FAM120A: variants seen among roughly 807,000 people sequenced by gnomAD.
The protein encoded by FAM120A is constitutive coactivator of PPAR-gamma-like protein 1.
FAM120A carries 15 observed loss-of-function variants against 109.7 expected under a neutral mutation model. The observed-to-expected ratio is 0.14, with a 90% CI of 0.09 to 0.21. The LOEUF (loss-of-function observed/expected upper bound fraction) is 0.21, where lower values mean the gene tolerates loss of function less well. Among genes scored for constraint, FAM120A ranks in the 10% least tolerant of loss-of-function variants. The pLI is 1.00. For synonymous variants in FAM120A, 493 were observed against 572.8 expected, an observed-to-expected ratio of 0.86 and a Z score of 1.99; for missense variants, 899 against 1,439.3, an observed-to-expected ratio of 0.62 and a Z score of 6.07.
chr9:93,523,019 A>G (rs1382052382), intron 7 of FAM120A, among the ~76,000 whole-genome samples: 1 of 152,226 alleles, frequency 6.6e-6, no homozygotes, highest in Non-Finnish European at 1.5e-5. Flanking sequence ...ACCTCAGAGC[A>G]TTCAAATGTG....
At chr9:93,530,538 AC>A (rs1184328184) in intron 9 of FAM120A, 1 of 152,222 alleles carries the variant, frequency 6.6e-6, no homozygotes, top group Non-Finnish European at 1.5e-5. Flanking sequence ...AATATTGCTT[AC>A]TTTTATTAAT....
chr9:93,501,720 C>T (rs533716967), intron 5 of FAM120A, among the ~76,000 whole-genome samples: 12 of 152,252 alleles, frequency 7.9e-5, no homozygotes, highest in African/African-American at 2.9e-4. Flanking sequence ...TCTGGAATGG[C>T]AGGAGACAAG....
chr9:93,551,333 T>A (rs748250241), intron 12 of FAM120A, among the ~76,000 whole-genome samples: 6 of 152,232 alleles, frequency 3.9e-5, no homozygotes, highest in Non-Finnish European at 8.8e-5. Flanking sequence ...TCAGTGTGGA[T>A]ATCTTTTTTG....
intron 15 of FAM120A, 82 bp downstream of exon 15, chr9:93,558,800 T>C (rs1862381551): frequency 6.7e-7 from 1 of 1,497,674 alleles, no homozygotes; most frequent in African/African-American, 1.4e-5. Flanking sequence ...CTTCCTCTAC[T>C]GTCCTCATGA....
rs547231752 is a variant in FAM120A at position 93,497,613 on chromosome 9, C to T, written c.933+14C>T. 3.2e-6 allele frequency: 5 copies of T among 1,550,272 alleles called. No homozygotes were observed. The Admixed American group carries it at 9.8e-5, about 30-fold the overall frequency. On this transcript the variant is annotated intron_variant, in intron 4 of 17. Coordinates refer to ENST00000277165, the MANE Select transcript of FAM120A (RefSeq NM_014612.5). ...CAGCATTCACAGGTAAAAAAAAAAA[C>T]AAACAAAACAAAAAAACAGATTCAT...
intron 1 of FAM120A, among the ~76,000 whole-genome samples, chr9:93,466,076 G>T (rs1308800790): frequency 6.6e-6 from 1 of 152,132 alleles, no homozygotes; most frequent in Non-Finnish European, 1.5e-5. Flanking sequence ...GGTTGCTTGG[G>T]TAAGGAGCTC....
chr9:93,489,354 G>A (rs897797677), intron 3 of FAM120A, among the ~76,000 whole-genome samples: 12 of 151,554 alleles, frequency 7.9e-5, no homozygotes, highest in African/African-American at 2.0e-4. Context: ...CCCTCAAAAC[G>A]ATTAGAATAC....
chr9:93,508,280 A>G (rs1296289244), intron 5 of FAM120A, among the ~76,000 whole-genome samples: 1 of 152,230 alleles, frequency 6.6e-6, no homozygotes, highest in Non-Finnish European at 1.5e-5. Context: ...GATGCTACAC[A>G]GTGATGAGCA....
intron 1 of FAM120A, 107 bp from the exon 2 acceptor site, chr9:93,471,034 G>C: frequency 7.3e-7 from 1 of 1,375,286 alleles, no homozygotes; most frequent in Non-Finnish European, 1.0e-6. Context: ...TTCACGGATA[G>C]TTTTCATAAA....
At chr9:93,554,120 TAC>T (rs10672125) in intron 12 of FAM120A, among the ~76,000 whole-genome samples, 3,710 of 87,098 alleles carry the variant, frequency 0.043, 55 homozygotes, top group South Asian at 0.071. Flanking sequence ...GGCCATTTGA[TAC>T]ACACACACAC....
chr9:93,460,858 C>G (rs1857765537), intron 1 of FAM120A, among the ~76,000 whole-genome samples: 1 of 152,214 alleles, frequency 6.6e-6, no homozygotes, highest in South Asian at 2.1e-4. Context: ...TCACTGGTGT[C>G]AGCTTGGCCA....
chr9:93,463,454 A>G (rs956662511), intron 1 of FAM120A, among the ~76,000 whole-genome samples: 1 of 152,218 alleles, frequency 6.6e-6, no homozygotes, highest in African/African-American at 2.4e-5. Context: ...CATTGCTGCT[A>G]TGTGTCATAA....
intron 7 of FAM120A, among the ~76,000 whole-genome samples, chr9:93,517,252 G>C (rs948748375): frequency 1.7e-4 from 26 of 152,212 alleles, no homozygotes; most frequent in Non-Finnish European, 3.7e-4. Flanking sequence ...TTGATTTGTT[G>C]TATGTGCAGA....
Position 93,529,399 on chromosome 9 carries a change from G to T in FAM120A, c.1553G>T (p.Gly518Val), listed in dbSNP as rs767519135. The T allele has an allele frequency of 6.2e-7, 1 of 1,613,360 alleles. No homozygotes were observed. The highest frequency in any genetic ancestry group is 8.5e-7 in the Non-Finnish European group (1 of 1,179,572). ...TCTTCAGGAAGCCAACTAGCCGAAG[G>T]CAAGGGAAGCCAGATGGGCACTGTC... ...TASSGSQLAE[G>V]KGSQMGTVQP... The change falls in exon 9 of 18, where the codon GGC (glycine) becomes GTC (valine). Residue 518 changes from glycine to valine, a missense_variant. Around this residue, in one of 11 missense-constraint regions of FAM120A, gnomAD observed 57 missense variants for 52.9 expected, o/e 1.08. Coordinates refer to ENST00000277165, the MANE Select transcript of FAM120A (RefSeq NM_014612.5).
intron 1 of FAM120A, among the ~76,000 whole-genome samples, chr9:93,455,138 C>G (rs964915417): frequency 1.3e-5 from 2 of 152,166 alleles, no homozygotes; most frequent in African/African-American, 4.8e-5. Flanking sequence ...AACAAAGTAT[C>G]CTTTAATAAG....
intron 7 of FAM120A, among the ~76,000 whole-genome samples, chr9:93,523,821 T>G (rs2131442695): frequency 6.6e-6 from 1 of 152,340 alleles, no homozygotes; most frequent in East Asian, 1.9e-4. Context: ...GCTCACCCAT[T>G]ATGTGAAGGA....
chr9:93,453,209 C>T (rs1857363722), intron 1 of FAM120A: 4 of 1,004,478 alleles, frequency 4.0e-6, no homozygotes, highest in Non-Finnish European at 3.6e-6. Context: ...TTCGGGTGCA[C>T]AGTAAGTATT....
chr9:93,526,015 T>C (rs1011211519), intron 7 of FAM120A, among the ~76,000 whole-genome samples: 4 of 152,242 alleles, frequency 2.6e-5, no homozygotes, highest in Non-Finnish European at 5.9e-5. Context: ...AGGAGAATTA[T>C]CTGGTCTTAA....
intron 5 of FAM120A, among the ~76,000 whole-genome samples, chr9:93,511,571 A>G (rs1860323864): frequency 6.6e-6 from 1 of 152,232 alleles, no homozygotes; most frequent in Non-Finnish European, 1.5e-5. Context: ...GTCACATGAC[A>G]GTTTCCTTTC....
Sources: gnomAD v4.1 joint callset for allele counts (sites outside exome capture counted in the v4.1 genomes callset) on GRCh38, gnomAD v4.1.1 for gene constraint, gnomAD v4.1.1 regional missense constraint, MANE v1.5 for transcripts, NCBI Gene and HGNC (gene_info 2026-07-23, HGNC 2026-07-21) for gene names.